Variants in LEMD3 observed in about 807,000 individuals in gnomAD.
The protein encoded by LEMD3 is inner nuclear membrane protein Man1.
Under a neutral mutation model 95.2 loss-of-function variants are expected in LEMD3, and 33 were observed. That is an observed-to-expected ratio of 0.35 (90% CI 0.26 to 0.46). The LOEUF (loss-of-function observed/expected upper bound fraction) is 0.46. Ranked by LOEUF, LEMD3 falls within the 20% of genes least tolerant of loss-of-function variation. The pLI is 1.00. For missense variants in LEMD3, 1,210 were observed against 1,192.8 expected, an observed-to-expected ratio of 1.01 and a Z score of -0.21; for synonymous variants, 525 against 474.6, an observed-to-expected ratio of 1.11 and a Z score of -1.38.
chr12:65,245,924 G>C lies in LEMD3; in HGVS notation c.2557G>C (p.Gly853Arg). ...TGGAAAGGCTTTTAAAGCATTGCATGGCTCTTGGTTTGATGGTAAGAAATT... is the reference window on the plus strand; with the variant it reads ...TGGAAAGGCTTTTAAAGCATTGCATCGCTCTTGGTTTGATGGTAAGAAATT... Reference protein sequence around the residue: ...YAGKAFKALHGSWFDGKLVTV... With the variant: ...YAGKAFKALHRSWFDGKLVTV... Residue 853 changes from glycine to arginine, a missense_variant, in exon 12 of 13, where the codon GGC becomes CGC. Transcript: ENST00000308330. 1 of 1,611,668 alleles carries C rather than the reference G, an allele frequency of 6.2e-7. No homozygotes were observed. Among genetic ancestry groups the C allele is most frequent in the Non-Finnish European group, 8.5e-7 (1 of 1,178,426 alleles).
In LEMD3 at chr12:65,247,101, ACAGC is replaced by A. The variant is rs1871137851; in HGVS notation, c.*779_*782del. On this transcript the variant is annotated 3_prime_UTR_variant, in exon 13 of 13. Transcript: ENST00000308330. ...ATGGCTGTACTTTTGCATAGATCAA[ACAGC>A]CAAACACCTGGAAGTATTAGATACA... 1 of 152,584 alleles carries A rather than the reference ACAGC, an allele frequency of 6.6e-6. No individual in the cohort carries two copies. Among genetic ancestry groups the A allele is most frequent in the Admixed American group, 6.5e-5 (1 of 15,272 alleles). 9.5% of individuals were successfully genotyped at this position (152,584 alleles called of 1,614,324 possible).
At chr12:65,198,351 A>G (rs1869495432) in intron 1 of LEMD3, among the ~76,000 whole-genome samples, 1 of 152,120 alleles carries the variant, frequency 6.6e-6, no homozygotes, top group Admixed American at 6.6e-5. Flanking sequence ...TCTAACCTTT[A>G]CAAGTTGACT....
intron 1 of LEMD3, among the ~76,000 whole-genome samples, chr12:65,191,802 G>C (rs960455292): frequency 4.6e-5 from 7 of 151,906 alleles, no homozygotes; most frequent in African/African-American, 1.7e-4. Flanking sequence ...GTGCATGCCT[G>C]TGGTCCCGGT....
chr12:65,196,603 T>G (rs1412726923), intron 1 of LEMD3, among the ~76,000 whole-genome samples: 2 of 152,048 alleles, frequency 1.3e-5, no homozygotes, highest in African/African-American at 4.8e-5. Context: ...TAACTTACCT[T>G]ATATAAGACT....
At chr12:65,243,305 A>AT (rs1321092217) in intron 9 of LEMD3, 83 bp from the exon 10 acceptor site, 4 of 867,968 alleles carry the variant, frequency 4.6e-6, no homozygotes, top group Non-Finnish European at 8.0e-6. Context: ...TGCAGTGAAT[A>AT]TTTTTTGAAT....
intron 8 of LEMD3, 42 bp downstream of exon 8, chr12:65,240,280 T>A: frequency 7.1e-7 from 1 of 1,408,642 alleles, no homozygotes; most frequent in Non-Finnish European, 1.0e-6. Context: ...TCAGAAAATT[T>A]AAGTGCTTTC....
intron 10 of LEMD3, 35 bp downstream of exon 10, chr12:65,243,504 A>C: frequency 8.4e-7 from 1 of 1,190,602 alleles, no homozygotes; most frequent in Non-Finnish European, 1.3e-6. Context: ...TGTAACTCTT[A>C]TTCTGAATAT....
intron 12 of LEMD3, 62 bp from the exon 13 acceptor site, chr12:65,246,096 CAGTT>C: frequency 7.4e-7 from 1 of 1,354,450 alleles, no homozygotes; most frequent in African/African-American, 1.4e-5. Context: ...TCTTTTACCA[CAGTT>C]AATTTTCTGC....
chr12:65,169,639 G>T lies in LEMD3; in HGVS notation c.43G>T (p.Glu15Ter). The change falls in exon 1 of 13, where the codon GAG becomes TAG. Residue 15 changes from glutamate to a stop codon, truncating the protein, a stop_gained. Coordinates refer to ENST00000308330, the MANE Select transcript of LEMD3 (RefSeq NM_014319.5). LOFTEE classifies it high-confidence loss of function. ...AASAPQQLSD[E>*]ELFSQLRRYG... ...TTCGGCGCCTCAGCAGCTCTCGGATGAGGAGCTTTTCTCTCAGCTCCGCCG... is the reference window on the plus strand; with the variant it reads ...TTCGGCGCCTCAGCAGCTCTCGGATTAGGAGCTTTTCTCTCAGCTCCGCCG... 1 of 1,589,426 alleles carries T rather than the reference G, an allele frequency of 6.3e-7. No individual in the cohort carries two copies. The highest frequency in any genetic ancestry group is 8.5e-7 in the Non-Finnish European group (1 of 1,169,714).
rs747136567 is a variant in LEMD3, at chr12:65,245,709, A to G, written c.2428A>G (p.Ile810Val). 7 of 1,613,958 alleles carry G rather than the reference A, an allele frequency of 4.3e-6. No homozygotes were observed. The highest frequency in any genetic ancestry group is 1.7e-5 in the Admixed American group (1 of 60,022). The change falls in exon 11 of 13, where the codon ATT becomes GTT. Residue 810 changes from isoleucine to valine, a missense_variant. This residue lies in a region of LEMD3 where 461 missense variants were observed against 569.8 expected (regional missense o/e 0.81). Coordinates refer to ENST00000308330, the MANE Select transcript of LEMD3 (RefSeq NM_014319.5). ...DQWHLAIQEAILEKCSDNDGI... is the reference protein window; with the variant it reads ...DQWHLAIQEAVLEKCSDNDGI... ...GTGGCATTTGGCAATTCAAGAAGCA[A>G]TTTTAGAAAAATGCAGTGATAATGA... is the stretch of plus-strand genomic sequence containing the variant.
intron 1 of LEMD3, among the ~76,000 whole-genome samples, chr12:65,178,616 C>G (rs1409652681): frequency 6.6e-6 from 1 of 152,110 alleles, no homozygotes; most frequent in East Asian, 1.9e-4. Flanking sequence ...ATAACTAACC[C>G]TTACGTAGCA....
chr12:65,226,708 A>C (rs2136346319), intron 4 of LEMD3, among the ~76,000 whole-genome samples: 1 of 152,310 alleles, frequency 6.6e-6, no homozygotes, highest in Admixed American at 6.5e-5. Flanking sequence ...AGTAGAAGCT[A>C]TTACATTTTG....
chr12:65,245,937 A>T lies in LEMD3; in HGVS notation c.2570A>T (p.Asp857Val), dbSNP rs749698901. 1 of 1,606,786 alleles carries T rather than the reference A, an allele frequency of 6.2e-7. No homozygotes were observed. The highest frequency in any genetic ancestry group is 1.1e-5 in the South Asian group (1 of 90,882). The change falls in exon 12 of 13, where the codon GAT becomes GTT. Residue 857 changes from aspartate (D) to valine (V), a missense_variant and splice_region_variant. Asp to Val is a radical substitution (Grantham distance 152, BLOSUM62 -3). This residue lies in a region of LEMD3 where 461 missense variants were observed against 569.8 expected (regional missense o/e 0.81). Coordinates refer to ENST00000308330, the MANE Select transcript of LEMD3 (RefSeq NM_014319.5). ...AAAGCATTGCATGGCTCTTGGTTTG[A>T]TGGTAAGAAATTTGAGTACTACAAA... ...AFKALHGSWF[D>V]GKLVTVKYLR...
rs1371379913 is a variant in LEMD3, at chr12:65,207,672, G to A, written c.1523-3254G>A. On this transcript the variant is annotated intron_variant, in intron 1 of 12. Coordinates refer to ENST00000308330, the MANE Select transcript of LEMD3 (RefSeq NM_014319.5). ...GTCATATTAGACTGAAGCTGGCTGT[G>A]TTGATCCAAAGAAAGCGTAGGAAAG... Among the ~76,000 whole-genome samples the A allele has an allele frequency of 5.3e-5, 8 of 152,244 alleles. No homozygotes were observed. In the East Asian group the frequency reaches 1.5e-3, roughly 29 times the overall value.
At chr12:65,220,066 G>T (rs975089267) in intron 4 of LEMD3, among the ~76,000 whole-genome samples, 1 of 152,216 alleles carries the variant, frequency 6.6e-6, no homozygotes, top group African/African-American at 2.4e-5. Flanking sequence ...CAAATACCTA[G>T]AAGTGGGATT....
At chr12:65,244,835 C>T (rs1380729377) in intron 10 of LEMD3, among the ~76,000 whole-genome samples, 6 of 151,860 alleles carry the variant, frequency 4.0e-5, no homozygotes, top group Admixed American at 3.9e-4. Context: ...CCTGTAGTCC[C>T]AGCTATCTGG....
Position 65,171,039 on chromosome 12 carries a change from C to A in LEMD3, c.1443C>A (p.Ala481=), listed in dbSNP as rs779934044. ...TGTCGATGTTTCTCTTAACTGCTGC[C>A]TGCTTATTTTTCCTAATACTGGGAC... ...HYLSMFLLTA[A]CLFFLILGLT... is the part of the protein sequence containing the mutation. Residue 481 remains alanine, a synonymous_variant, in exon 1 of 13, where the codon GCC becomes GCA. Transcript: ENST00000308330. 6.2e-7 allele frequency: 1 copy of A among 1,614,198 alleles called. No individual in the cohort carries two copies. The highest frequency in any genetic ancestry group is 2.2e-5 in the East Asian group (1 of 44,886).
chr12:65,209,473 G>C (rs1474621097), intron 1 of LEMD3, among the ~76,000 whole-genome samples: 7 of 151,782 alleles, frequency 4.6e-5, no homozygotes. Context: ...CATTTTTTTG[G>C]TAGTACGTTG....
At chr12:65,239,082 A>G (rs1325304707) in intron 6 of LEMD3, among the ~76,000 whole-genome samples, 1 of 152,210 alleles carries the variant, frequency 6.6e-6, no homozygotes, top group African/African-American at 2.4e-5. Flanking sequence ...TCTACTTTAG[A>G]AAGTAGAATT....
Sources: gnomAD v4.1 joint callset for allele counts (sites outside exome capture counted in the v4.1 genomes callset) on GRCh38, gnomAD v4.1.1 for gene constraint, gnomAD v4.1.1 regional missense constraint, MANE v1.5 for transcripts, NCBI Gene and HGNC (gene_info 2026-07-23, HGNC 2026-07-21) for gene names.